Variants in RANGAP1 observed in about 807,000 individuals in gnomAD.
RANGAP1 encodes Ran GTPase activating protein 1.
A neutral mutation model predicts 63.5 loss-of-function variants in RANGAP1; 38 were observed. That is an observed-to-expected ratio of 0.60 (90% CI 0.46 to 0.78). The LOEUF (loss-of-function observed/expected upper bound fraction) is 0.78, where lower values mean the gene tolerates loss of function less well. Among genes scored for constraint, RANGAP1 ranks in the 30% least tolerant of loss-of-function variants. The pLI, the probability that RANGAP1 is intolerant of heterozygous loss-of-function variation, is 0.00. For missense variants in RANGAP1, 630 were observed against 740.3 expected (o/e 0.85, Z 1.73); for synonymous variants, 329 against 310.5 (o/e 1.06, Z -0.63).
intron 3 of RANGAP1, among the ~76,000 whole-genome samples, chr22:41,271,036 CTA>C (rs2145795149): frequency 6.6e-6 from 1 of 152,284 alleles, no homozygotes; most frequent in African/African-American, 2.4e-5. Flanking sequence ...CTCTGGTATC[CTA>C]TCTCTGAAAT....
chr22:41,290,012 A>G (rs1234577553), upstream of RANGAP1, among the ~76,000 whole-genome samples: 1 of 151,988 alleles, frequency 6.6e-6, no homozygotes, highest in Non-Finnish European at 1.5e-5. Context: ...ATGGTGGTAC[A>G]TACTTGGAGT....
intron 2 of RANGAP1, chr22:41,277,561 A>C: frequency 8.8e-7 from 1 of 1,132,668 alleles, no homozygotes; most frequent in Non-Finnish European, 1.2e-6. Context: ...ATGGGAGATA[A>C]AGTTTGAACT....
chr22:41,281,757 G>T, intron 1 of RANGAP1: 1 of 515,680 alleles, frequency 1.9e-6, no homozygotes, highest in Non-Finnish European at 2.5e-6. Flanking sequence ...CTATACTCAA[G>T]TCTACCAGAA....
At chr22:41,266,150 C>A (rs1268009200) in intron 4 of RANGAP1, among the ~76,000 whole-genome samples, 1 of 150,254 alleles carries the variant, frequency 6.7e-6, no homozygotes, top group East Asian at 2.0e-4. Flanking sequence ...TGCAGTGAGC[C>A]GAGATCGTGC....
intron 3 of RANGAP1, among the ~76,000 whole-genome samples, chr22:41,273,635 T>G (rs540031999): frequency 7.3e-5 from 11 of 150,614 alleles, no homozygotes; most frequent in African/African-American, 2.7e-4. Flanking sequence ...GGCAAGGTGG[T>G]GAGTGCACAT....
chr22:41,258,016 G>A lies in RANGAP1; in HGVS notation c.706C>T (p.Pro236Ser). The A allele has an allele frequency of 6.2e-7, 1 of 1,613,314 alleles. No individual in the cohort carries two copies. The highest frequency in any genetic ancestry group is 8.5e-7 in the Non-Finnish European group (1 of 1,179,586). The change falls in exon 7 of 16, where the codon CCC becomes TCC. Residue 236 changes from proline (P) to serine (S), a missense_variant. Physicochemically the swap from Pro to Ser is moderately conservative, Grantham distance 74 (BLOSUM62 -1). Coordinates refer to ENST00000356244, the MANE Select transcript of RANGAP1 (RefSeq NM_002883.4). ...TTCAGGTTGATGACCCGCAGCAGGG[G>A]GTTGACAGCGAAAGCCTGGGCCAGG... ...TALAQAFAVN[P>S]LLRVINLNDN... is the part of the protein sequence containing the mutation.
At chr22:41,251,985 G>C (rs1440425392) in intron 12 of RANGAP1, among the ~76,000 whole-genome samples, 2 of 151,828 alleles carry the variant, frequency 1.3e-5, no homozygotes, top group African/African-American at 4.9e-5. Flanking sequence ...CCAACTCTGA[G>C]AGTGGGCCCA....
chr22:41,251,348 G>A (rs576734542), intron 12 of RANGAP1, among the ~76,000 whole-genome samples: 2 of 152,188 alleles, frequency 1.3e-5, no homozygotes, highest in Non-Finnish European at 2.9e-5. Context: ...CATCCCAGCC[G>A]GGTGTGGCGG....
intron 2 of RANGAP1, among the ~76,000 whole-genome samples, chr22:41,279,726 T>TG (rs1192829526): frequency 7.1e-6 from 1 of 139,980 alleles, no homozygotes; most frequent in Non-Finnish European, 1.5e-5. Flanking sequence ...CGCTTGAACC[T>TG]GGGAGACAGA....
At chr22:41,273,766 C>CAA (rs71200678) in intron 3 of RANGAP1, among the ~76,000 whole-genome samples, 634 of 24,320 alleles carry the variant, frequency 0.026, 143 homozygotes, top group Non-Finnish European at 0.028. Context: ...GACTCCATCT[C>CAA]AAAAAAAAAA....
At position 41,256,665 on chromosome 22, in the gene RANGAP1, C is replaced by G. The variant is rs368896253; in HGVS notation, c.888+46G>C. The G allele has an allele frequency of 7.0e-6, 11 of 1,564,112 alleles. No individual in the cohort carries two copies. The South Asian group carries it at 8.9e-5, about 13-fold the overall frequency. ...ACCCCTGTGCCCCCAGCCGCCCCAC[C>G]ACCCACAGACCCCAGAGGGAGGACG... On this transcript the variant is annotated intron_variant, in intron 8 of 15. Coordinates refer to ENST00000356244, the MANE Select transcript of RANGAP1 (RefSeq NM_002883.4).
At chr22:41,262,861 C>G (rs1248653761) in intron 5 of RANGAP1, among the ~76,000 whole-genome samples, 4 of 152,226 alleles carry the variant, frequency 2.6e-5, no homozygotes, top group Non-Finnish European at 2.9e-5. Context: ...GGCCATGCCT[C>G]TTGCCCCACC....
intron 6 of RANGAP1, among the ~76,000 whole-genome samples, 158 bp downstream of exon 6, chr22:41,261,288 G>A (rs577749221): frequency 6.6e-6 from 1 of 152,358 alleles, no homozygotes; most frequent in East Asian, 1.9e-4. Context: ...CAGGAATTCT[G>A]GCTCATTTTC....
At chr22:41,275,839 G>A (rs1718379586) in intron 2 of RANGAP1, among the ~76,000 whole-genome samples, 1 of 151,908 alleles carries the variant, frequency 6.6e-6, no homozygotes, top group South Asian at 2.1e-4. Flanking sequence ...TCAGCTACTT[G>A]GGAGGCTGAG....
At chr22:41,273,798 G>A (rs1435650756) in intron 3 of RANGAP1, among the ~76,000 whole-genome samples, 5 of 84,948 alleles carry the variant, frequency 5.9e-5, no homozygotes, top group African/African-American at 1.9e-4. Flanking sequence ...AAAAAAGGCC[G>A]GGAGCAGTGG....
the RANGAP1 span, among the ~76,000 whole-genome samples, chr22:41,301,275 C>T: frequency 2.6e-5 from 4 of 152,150 alleles, no homozygotes; most frequent in African/African-American, 9.7e-5. Flanking sequence ...AGGGCGGAGG[C>T]GCTGGGTTTG....
chr22:41,293,628 A>C, the RANGAP1 span, among the ~76,000 whole-genome samples: 3 of 151,494 alleles, frequency 2.0e-5, no homozygotes, highest in Admixed American at 6.6e-5. Context: ...ACTACAAAAA[A>C]ATTAGTTGAA....
intron 3 of RANGAP1, among the ~76,000 whole-genome samples, chr22:41,269,903 G>A (rs1415783415): frequency 1.3e-5 from 2 of 152,118 alleles, no homozygotes; most frequent in African/African-American, 2.4e-5. Context: ...GAGCAATCTC[G>A]GCTCACTGCA....
chr22:41,254,633 G>C, intron 10 of RANGAP1, 139 bp from the exon 11 acceptor site: 1 of 1,482,052 alleles, frequency 6.7e-7, no homozygotes, highest in Non-Finnish European at 8.9e-7. Flanking sequence ...CTGCTCCCAG[G>C]GCAGGGGCAG....
Sources: gnomAD v4.1 joint callset for allele counts (sites outside exome capture counted in the v4.1 genomes callset) on GRCh38, gnomAD v4.1.1 for gene constraint, MANE v1.5 for transcripts, NCBI Gene and HGNC (gene_info 2026-07-23, HGNC 2026-07-21) for gene names.